LRRC63: variants seen among roughly 807,000 people sequenced by gnomAD.
LRRC63 encodes leucine-rich repeat-containing protein 63.
Under a neutral mutation model 49.5 loss-of-function variants are expected in LRRC63, and 40 were observed. That is an observed-to-expected ratio of 0.81 (90% CI 0.63 to 1.05). The LOEUF is 1.05. Among genes scored for constraint, LRRC63 ranks in the 50% least tolerant of loss-of-function variants. LRRC63 has a pLI of 0.00. For missense variants in LRRC63, 636 were observed against 663.1 expected (o/e 0.96, Z 0.45); for synonymous variants, 191 against 221.1 (o/e 0.86, Z 1.21).
exon 10 of LRRC63, chr13:46,276,639 C>T (rs1300658469): frequency 2.4e-6 from 3 of 1,230,994 alleles, no homozygotes; most frequent in Non-Finnish European, 3.0e-6. Flanking sequence ...TGAAGGTTTT[C>T]GTGTCATCCG....
At chr13:46,224,377 CAATT>C (rs1450395584) in intron 2 of LRRC63, among the ~76,000 whole-genome samples, 4 of 152,000 alleles carry the variant, frequency 2.6e-5, no homozygotes, top group Non-Finnish European at 5.9e-5. Context: ...ATATTTTCTT[CAATT>C]AATTCTTCAG....
At chr13:46,226,507 C>T (rs1046149782) in intron 2 of LRRC63, among the ~76,000 whole-genome samples, 5 of 152,138 alleles carry the variant, frequency 3.3e-5, no homozygotes, top group South Asian at 2.1e-4. Context: ...TTTTGCTGTT[C>T]TACAAGTATC....
intron 5 of LRRC63, among the ~76,000 whole-genome samples, chr13:46,243,070 A>G (rs902519028): frequency 6.6e-6 from 1 of 152,230 alleles, no homozygotes; most frequent in Non-Finnish European, 1.5e-5. Context: ...CTTAAATATG[A>G]AGACTAAAAG....
chr13:46,213,086 A>G, exon 2 of LRRC63: 1 of 1,549,712 alleles, frequency 6.5e-7, no homozygotes, highest in East Asian at 2.4e-5. Context: ...AAAATTCACT[A>G]AGCTGTCTTT....
intron 2 of LRRC63, among the ~76,000 whole-genome samples, chr13:46,213,896 C>T (rs889307598): frequency 2.6e-5 from 4 of 151,958 alleles, no homozygotes; most frequent in Admixed American, 1.3e-4. Flanking sequence ...TAACAAGGAC[C>T]GAATATATTT....
intron 6 of LRRC63, among the ~76,000 whole-genome samples, chr13:46,247,379 G>A (rs2047243614): frequency 6.6e-6 from 1 of 151,992 alleles, no homozygotes; most frequent in Non-Finnish European, 1.5e-5. Context: ...GAATTCCCAA[G>A]GAATATAGTG....
chr13:46,272,416 A>T (rs1037786818), intron 9 of LRRC63, among the ~76,000 whole-genome samples: 1 of 152,194 alleles, frequency 6.6e-6, no homozygotes, highest in Non-Finnish European at 1.5e-5. Flanking sequence ...TAATCAAGAA[A>T]CTGCAATGTA....
chr13:46,227,482 T>A (rs1212048718), intron 2 of LRRC63, 30 bp from the exon 3 acceptor site: 3 of 1,335,512 alleles, frequency 2.2e-6, no homozygotes, highest in Non-Finnish European at 2.0e-6. Context: ...ATAAATATAA[T>A]TTAATTTTTC....
At chr13:46,234,709 A>G (rs781309569) in intron 5 of LRRC63, among the ~76,000 whole-genome samples, 1 of 152,216 alleles carries the variant, frequency 6.6e-6, no homozygotes, top group Non-Finnish European at 1.5e-5. Flanking sequence ...CAATAATATT[A>G]GTTATCATTT....
At chr13:46,248,795 T>C (rs1308583572) in intron 6 of LRRC63, among the ~76,000 whole-genome samples, 1 of 151,904 alleles carries the variant, frequency 6.6e-6, no homozygotes, top group Non-Finnish European at 1.5e-5. Flanking sequence ...TAAATCTGTA[T>C]GGAATGTATT....
chr13:46,223,192 C>T (rs1488353333), intron 2 of LRRC63, among the ~76,000 whole-genome samples: 1 of 150,500 alleles, frequency 6.6e-6, no homozygotes, highest in Non-Finnish European at 1.5e-5. Flanking sequence ...GCACATGTAC[C>T]CTAAAACTTA....
intron 2 of LRRC63, among the ~76,000 whole-genome samples, chr13:46,223,645 G>A (rs927322308): frequency 6.6e-6 from 1 of 152,006 alleles, no homozygotes; most frequent in Non-Finnish European, 1.5e-5. Context: ...CACAAGGTCA[G>A]GAGTTCGAGA....
intron 5 of LRRC63, among the ~76,000 whole-genome samples, chr13:46,239,787 A>C (rs2047002528): frequency 6.6e-6 from 1 of 152,246 alleles, no homozygotes; most frequent in African/African-American, 2.4e-5. Flanking sequence ...GCAGCACATC[A>C]AAAAGTTTAT....
intron 9 of LRRC63, among the ~76,000 whole-genome samples, chr13:46,273,325 C>T (rs1023324495): frequency 3.3e-5 from 5 of 152,046 alleles, no homozygotes; most frequent in South Asian, 2.1e-4. Flanking sequence ...GGTAGTGGAC[C>T]GGGCGCGGTG....
intron 6 of LRRC63, among the ~76,000 whole-genome samples, chr13:46,247,587 GC>G (rs1472041123): frequency 6.6e-6 from 1 of 152,104 alleles, no homozygotes; most frequent in Non-Finnish European, 1.5e-5. Flanking sequence ...GTGTTATATA[GC>G]TATAGATAAA....
At chr13:46,270,113 C>G (rs1200138813) in intron 9 of LRRC63, 33 of 658,334 alleles carry the variant, frequency 5.0e-5, no homozygotes, top group Non-Finnish European at 7.0e-5. Flanking sequence ...GCCGGTGGTG[C>G]CTTTGTTCGT....
chr13:46,260,700 C>A (rs1351496389), intron 7 of LRRC63, among the ~76,000 whole-genome samples: 1 of 152,052 alleles, frequency 6.6e-6, no homozygotes, highest in Non-Finnish European at 1.5e-5. Context: ...AGACAATGAT[C>A]AGAGTCAAGC....
intron 6 of LRRC63, 64 bp downstream of exon 6, chr13:46,246,689 T>C (rs1433069379): frequency 9.2e-6 from 7 of 758,034 alleles, no homozygotes; most frequent in Non-Finnish European, 1.3e-5. Context: ...ATAATAAAAA[T>C]AGACGTCTTT....
At chr13:46,232,455 G>A (rs545481727) in intron 4 of LRRC63, among the ~76,000 whole-genome samples, 1 of 152,324 alleles carries the variant, frequency 6.6e-6, no homozygotes, top group South Asian at 2.1e-4. Context: ...TAGAGTTCAA[G>A]CTCTGCCAAA....
Sources: gnomAD v4.1 joint callset for allele counts (sites outside exome capture counted in the v4.1 genomes callset) on GRCh38, gnomAD v4.1.1 for gene constraint, MANE v1.5 for transcripts, NCBI Gene and HGNC (gene_info 2026-07-23, HGNC 2026-07-21) for gene names.